The following ZEB2 variants were observed in gnomAD, a reference collection of about 807,000 sequenced individuals.
The protein encoded by ZEB2 is zinc finger E-box-binding homeobox 2.
A neutral mutation model predicts 99.9 loss-of-function variants in ZEB2; 6 were observed. That is an observed-to-expected ratio of 0.06 (90% confidence interval 0.03 to 0.12). ZEB2 has a LOEUF of 0.12. Among genes scored for constraint, ZEB2 ranks in the 10% least tolerant of loss-of-function variants. The probability of loss-of-function intolerance (pLI) is 1.00; values close to 1 mark genes in which losing one functional copy is unlikely to be tolerated. For synonymous variants in ZEB2, 517 were observed against 542.5 expected, an observed-to-expected ratio of 0.95 and a Z score of 0.65; for missense variants, 969 against 1,502.8, an observed-to-expected ratio of 0.64 and a Z score of 5.87.
chr2:144,398,044 G>A (rs1037915323), intron 8 of ZEB2: 1 of 397,754 alleles, frequency 2.5e-6, no homozygotes, highest in South Asian at 2.1e-5. Flanking sequence ...AAAAGCAGAT[G>A]AGTCCATCTA....
At chr2:144,482,237 A>C (rs1704523439) in intron 2 of ZEB2, 1 of 152,176 alleles carries the variant, frequency 6.6e-6, no homozygotes, top group Non-Finnish European at 1.5e-5. Context: ...CCTGAAGAAT[A>C]GCTTCTCCGT....
chr2:144,440,511 ATATATTTTTTTTTTTT>A (rs1206986129), intron 2 of ZEB2, among the ~76,000 whole-genome samples: 130 of 30,228 alleles, frequency 4.3e-3, no homozygotes, highest in African/African-American at 0.017. Flanking sequence ...ATATATATAT[ATATATTTTTTTTTTTT>A]TTTTTTTTTT....
intron 3 of ZEB2, 143 bp downstream of exon 3, chr2:144,429,626 C>A: frequency 7.7e-7 from 1 of 1,294,938 alleles, no homozygotes; most frequent in Admixed American, 1.9e-5. Flanking sequence ...AATCTGTCAC[C>A]AGCTTTGGTA....
At chr2:144,432,923 T>G (rs549052985) in intron 2 of ZEB2, among the ~76,000 whole-genome samples, 1 of 152,320 alleles carries the variant, frequency 6.6e-6, no homozygotes, top group African/African-American at 2.4e-5. Flanking sequence ...TGTCTGTTTT[T>G]GAACTTATGA....
At chr2:144,403,000 T>G (rs952822075) in intron 6 of ZEB2, among the ~76,000 whole-genome samples, 4 of 152,252 alleles carry the variant, frequency 2.6e-5, no homozygotes, top group Admixed American at 2.0e-4. Context: ...AATATCATGT[T>G]CAATAATTTT....
chr2:144,399,890 G>T lies in ZEB2; in HGVS notation c.1297C>A (p.Gln433Lys). 6.2e-7 allele frequency: 1 copy of T among 1,614,190 alleles called. No homozygotes were observed. The highest frequency in any genetic ancestry group is 8.5e-7 in the Non-Finnish European group (1 of 1,180,028). The change falls in exon 8 of 10, where the codon CAG becomes AAG. Residue 433 changes from glutamine to lysine, a missense_variant. By Grantham distance (53) the Gln-to-Lys change is moderately conservative (BLOSUM62 1). Transcript: ENST00000627532. The surrounding 1 kb of genome is among the most constrained non-coding windows in gnomAD (Gnocchi z 5.6). ...TSPLGVHPSAQSPMQHLGVGM... is the reference protein window; with the variant it reads ...TSPLGVHPSAKSPMQHLGVGM... The stretch of plus-strand genomic sequence containing the variant: ...ACACCTAAGTGCTGCATTGGACTCT[G>T]AGCAGATGGATGAACTCCTAAAGGG...
At chr2:144,478,031 ATCCCG>A (rs749699086) in intron 2 of ZEB2, among the ~76,000 whole-genome samples, 3 of 152,178 alleles carry the variant, frequency 2.0e-5, no homozygotes, top group African/African-American at 4.8e-5. Flanking sequence ...CTCGGGTTTC[ATCCCG>A]TCACCCATGG....
intron 2 of ZEB2, among the ~76,000 whole-genome samples, chr2:144,471,518 CTCTT>C (rs1299786198): frequency 1.8e-4 from 27 of 151,812 alleles, no homozygotes; most frequent in South Asian, 8.3e-4. Context: ...CTCTCTCTCT[CTCTT>C]TCTTTTTTTT....
chr2:144,463,594 T>G (rs1164261150), intron 2 of ZEB2: 1 of 151,940 alleles, frequency 6.6e-6, no homozygotes, highest in African/African-American at 2.4e-5. Flanking sequence ...TTTGGGAGGC[T>G]GAGGTGGGAG....
rs1486121603 is a variant in ZEB2 at position 144,411,986 on chromosome 2, T to C, written c.404-6962A>G. ...ATTACTTTTTTAAAAATTCCCAAGA[T>C]AGGCCGGGCACGGTGGCTTACGCCT... is the stretch of plus-strand genomic sequence containing the variant. On this transcript the variant is annotated intron_variant, in intron 4 of 9. Transcript: ENST00000627532. 2.0e-5 allele frequency among the ~76,000 whole-genome samples: 3 copies of C among 152,330 alleles called. No individual in the cohort carries two copies. The East Asian group carries it at 5.8e-4, about 29-fold the overall frequency.
intron 2 of ZEB2, among the ~76,000 whole-genome samples, chr2:144,447,268 C>T (rs890325009): frequency 1.6e-4 from 24 of 152,202 alleles, no homozygotes; most frequent in African/African-American, 4.8e-4. Context: ...CTGCTTTATG[C>T]AGTGGTAGCA....
intron 2 of ZEB2, among the ~76,000 whole-genome samples, chr2:144,487,758 T>G (rs1027531707): frequency 6.6e-6 from 1 of 152,180 alleles, no homozygotes; most frequent in African/African-American, 2.4e-5. Context: ...TGAAAAAGAA[T>G]TCAAGCTACC....
intron 4 of ZEB2, among the ~76,000 whole-genome samples, chr2:144,416,680 C>G (rs1703543899): frequency 6.6e-6 from 1 of 152,176 alleles, no homozygotes; most frequent in South Asian, 2.1e-4. Flanking sequence ...TCTCTTACAA[C>G]TCGTTTGATA....
chr2:144,401,346 A>C, intron 6 of ZEB2, 39 bp from the exon 7 acceptor site: 1 of 1,598,342 alleles, frequency 6.3e-7, no homozygotes, highest in South Asian at 1.1e-5. Flanking sequence ...TTTGTGCAGG[A>C]GGAACAAAGA....
intron 2 of ZEB2, among the ~76,000 whole-genome samples, chr2:144,499,608 T>G (rs1304649377): frequency 6.6e-6 from 1 of 152,214 alleles, no homozygotes; most frequent in Non-Finnish European, 1.5e-5. Flanking sequence ...GGTTCAAGAT[T>G]CTAAGAAAAA....
chr2:144,443,231 T>G (rs927732250), intron 2 of ZEB2, among the ~76,000 whole-genome samples: 1 of 152,138 alleles, frequency 6.6e-6, no homozygotes, highest in Non-Finnish European at 1.5e-5. Flanking sequence ...GGAAGATATA[T>G]GGCATTTCAA....
intron 2 of ZEB2, among the ~76,000 whole-genome samples, chr2:144,457,184 T>C (rs1231210376): frequency 1.3e-5 from 2 of 152,174 alleles, no homozygotes; most frequent in African/African-American, 4.8e-5. Flanking sequence ...CCTGGATTTA[T>C]GCATTAATCC....
intron 2 of ZEB2, among the ~76,000 whole-genome samples, chr2:144,468,740 GA>G (rs1390256551): frequency 6.6e-6 from 1 of 152,104 alleles, no homozygotes; most frequent in African/African-American, 2.4e-5. Flanking sequence ...GCAGGGGTCA[GA>G]AATGGGCTGT....
chr2:144,433,555 G>T (rs1703800442), intron 2 of ZEB2, among the ~76,000 whole-genome samples: 2 of 152,114 alleles, frequency 1.3e-5, no homozygotes, highest in Admixed American at 1.3e-4. Context: ...AGGGCATAAA[G>T]CTGATACTTA....
Sources: gnomAD v4.1 joint callset for allele counts (sites outside exome capture counted in the v4.1 genomes callset) on GRCh38, gnomAD v4.1.1 for gene constraint, Gnocchi (gnomAD v3.1) non-coding constraint, MANE v1.5 for transcripts, NCBI Gene and HGNC (gene_info 2026-07-23, HGNC 2026-07-21) for gene names.